The following ZNF773 variants were observed in gnomAD, a reference collection of about 807,000 sequenced individuals.
ZNF773 encodes the protein zinc finger protein 773.
A neutral mutation model predicts 12.8 loss-of-function variants in ZNF773; 11 were observed. The observed-to-expected ratio is 0.86, with a 90% CI of 0.54 to 1.42. The LOEUF (loss-of-function observed/expected upper bound fraction) is 1.42, where lower values mean the gene tolerates loss of function less well. Ranked by LOEUF, ZNF773 falls within the 40% of genes most tolerant of loss-of-function variation. ZNF773 has a pLI of 0.00. For synonymous variants in ZNF773, 175 were observed against 178.4 expected, an observed-to-expected ratio of 0.98 and a Z score of 0.15; for missense variants, 518 against 527.2, an observed-to-expected ratio of 0.98 and a Z score of 0.17.
At chr19:57,517,235 C>T (rs975190115), downstream of ZNF773, 1 of 152,196 alleles carries the variant, frequency 6.6e-6, no homozygotes, top group Non-Finnish European at 1.5e-5. Context: ...TGCCTGTCAA[C>T]TGTATCATTG....
downstream of ZNF773, chr19:57,513,223 C>T: frequency 2.6e-6 from 2 of 760,398 alleles, no homozygotes; most frequent in Non-Finnish European, 3.7e-6. Flanking sequence ...AATTTGTCTG[C>T]TGAAGAGCAA....
rs1422099489 is a variant in ZNF773, at chr19:57,506,466, C to T, written c.371C>T (p.Pro124Leu). The T allele has an allele frequency of 6.2e-7, 1 of 1,614,054 alleles. No homozygotes were observed. The highest frequency in any genetic ancestry group is 1.3e-5 in the African/African-American group (1 of 74,922). The change falls in exon 4 of 4, where the codon CCC becomes CTC. Residue 124 changes from proline to leucine, a missense_variant. Coordinates refer to ENST00000282292, the MANE Select transcript of ZNF773 (RefSeq NM_198542.3). ...QHQKQHCGEK[P>L]LKRQEGRVPV... Reference sequence around the variant, plus strand: ...CAGAAGCAGCACTGTGGAGAGAAACCCTTAAAAAGACAAGAGGGCAGGGTC... The same window carrying T: ...CAGAAGCAGCACTGTGGAGAGAAACTCTTAAAAAGACAAGAGGGCAGGGTC...
intron 1 of ZNF773, among the ~76,000 whole-genome samples, chr19:57,502,732 C>T (rs1179710409): frequency 6.6e-6 from 1 of 152,108 alleles, no homozygotes; most frequent in African/African-American, 2.4e-5. Flanking sequence ...CGCTCTGTCG[C>T]CCAGGCTGGA....
chr19:57,517,020 T>C (rs909237083), downstream of ZNF773: 50 of 152,246 alleles, frequency 3.3e-4, no homozygotes, highest in African/African-American at 1.2e-3. Context: ...CAGGAGTCAA[T>C]ATGGAAGACA....
intron 3 of ZNF773, among the ~76,000 whole-genome samples, chr19:57,505,922 A>G (rs2089726667): frequency 2.0e-5 from 3 of 151,932 alleles, no homozygotes; most frequent in Admixed American, 6.6e-5. Flanking sequence ...TGTTAGCCTG[A>G]ATGGTCTCGA....
At chr19:57,512,207 C>T (rs2360758), downstream of ZNF773, among the ~76,000 whole-genome samples, 24,022 of 151,822 alleles carry the variant, frequency 0.16, 2,099 homozygotes, top group Non-Finnish European at 0.2. Context: ...GAGACAATTT[C>T]CAAAAACCAG....
downstream of ZNF773, chr19:57,508,565 G>A (rs2123274495): frequency 1.4e-6 from 1 of 700,488 alleles, no homozygotes; most frequent in East Asian, 2.7e-5. Flanking sequence ...CAGATATTCT[G>A]TAAGTTGATC....
At position 57,507,749 on chromosome 19, in the gene ZNF773, CG is replaced by C; in HGVS notation, c.*327del. 3.7e-6 allele frequency: 4 copies of C among 1,082,342 alleles called. No individual in the cohort carries two copies. The South Asian group carries it at 1.1e-4, about 29-fold the overall frequency. 67.0% of individuals were successfully genotyped at this position (1,082,342 alleles called of 1,614,324 possible). A position where few individuals can be genotyped will look rare whatever the true frequency, so the allele number is the denominator to read the frequency against. ...CACCACTTTGGGAGGCTGAAGCGGG[CG>C]GATCACAAGGTCAGGACATCGAAAC... On this transcript the variant is annotated 3_prime_UTR_variant, in exon 4 of 4. Transcript: ENST00000282292.
At chr19:57,500,892 G>A (rs1282492767) in intron 1 of ZNF773, among the ~76,000 whole-genome samples, 1 of 152,144 alleles carries the variant, frequency 6.6e-6, no homozygotes, top group Non-Finnish European at 1.5e-5. Flanking sequence ...CTGAGGTGAG[G>A]GAAGGGAGAG....
At chr19:57,505,547 A>G in intron 3 of ZNF773, 147 bp downstream of exon 3, 1 of 964,454 alleles carries the variant, frequency 1.0e-6, no homozygotes, top group Non-Finnish European at 1.7e-6. Flanking sequence ...TCACCCATTT[A>G]TATCTATTCT....
Position 57,506,923 on chromosome 19 carries a change from A to T in ZNF773, c.828A>T (p.Thr276=), listed in dbSNP as rs1223011607. Residue 276 remains threonine, a synonymous_variant, in exon 4 of 4, where the codon ACA becomes ACT. Coordinates refer to ENST00000282292, the MANE Select transcript of ZNF773 (RefSeq NM_198542.3). Reference sequence around the variant, plus strand: ...TTCACACTGGAGAAAAGCCTTTTACATGCAGTGAATGTGGAAAAGCTTTCA... The same window carrying T: ...TTCACACTGGAGAAAAGCCTTTTACTTGCAGTGAATGTGGAAAAGCTTTCA... ...QRVHTGEKPF[T]CSECGKAFRH... is the part of the protein sequence containing the mutation. 2 of 1,613,598 alleles carry T rather than the reference A, an allele frequency of 1.2e-6. No individual in the cohort carries two copies. The highest frequency in any genetic ancestry group is 2.2e-5 in the East Asian group (1 of 44,792).
intron 1 of ZNF773, 67 bp downstream of exon 1, chr19:57,500,180 C>T (rs2089653133): frequency 1.3e-6 from 2 of 1,534,384 alleles, no homozygotes; most frequent in East Asian, 4.9e-5. Context: ...TGCTCAGGTC[C>T]CCGGGTGCAG....
intron 1 of ZNF773, among the ~76,000 whole-genome samples, chr19:57,503,907 C>T (rs2089697270): frequency 6.6e-6 from 1 of 152,088 alleles, no homozygotes; most frequent in South Asian, 2.1e-4. Flanking sequence ...ATCCACCTGC[C>T]TCCGCCTCCA....
downstream of ZNF773, among the ~76,000 whole-genome samples, chr19:57,510,670 C>T (rs2089787504): frequency 6.6e-6 from 1 of 151,856 alleles, no homozygotes; most frequent in South Asian, 2.1e-4. Context: ...CCAGTGTATA[C>T]AAAGTATATA....
downstream of ZNF773, among the ~76,000 whole-genome samples, chr19:57,510,625 A>G (rs1236118806): frequency 6.6e-6 from 1 of 152,276 alleles, no homozygotes; most frequent in South Asian, 2.1e-4. Context: ...ACTAGATCTA[A>G]TAATTGAGTT....
Position 57,508,183 on chromosome 19 carries a change from G to A in ZNF773, c.*759G>A. The A allele has an allele frequency of 8.7e-6, 9 of 1,038,696 alleles. No individual in the cohort carries two copies. The highest frequency in any genetic ancestry group is 1.0e-5 in the Non-Finnish European group (9 of 865,236). The allele number at this position is 1,038,696 out of a possible 1,614,324, so 64.3% of individuals were successfully genotyped here. On this transcript the variant is annotated 3_prime_UTR_variant, in exon 4 of 4. Transcript: ENST00000282292. ...ACAAAAAAAACCCAGAAACTCTGAG[G>A]GTGATCTTTATGAGGGAGCTGGCAA...
chr19:57,517,646 A>T (rs1214650336), downstream of ZNF773: 1 of 152,242 alleles, frequency 6.6e-6, no homozygotes, highest in African/African-American at 2.4e-5. Context: ...ACAAAGCCTG[A>T]AGTTGCAGCA....
At chr19:57,502,937 C>T (rs563226162) in intron 1 of ZNF773, among the ~76,000 whole-genome samples, 37 of 152,262 alleles carry the variant, frequency 2.4e-4, no homozygotes, top group African/African-American at 1.7e-4. Context: ...ATGATCCGCC[C>T]GCTTTGGCCT....
At chr19:57,502,768 T>A (rs2089684454) in intron 1 of ZNF773, among the ~76,000 whole-genome samples, 1 of 152,186 alleles carries the variant, frequency 6.6e-6, no homozygotes, top group Non-Finnish European at 1.5e-5. Context: ...CTCGGCTCAC[T>A]GCAAGCTCCG....
Sources: gnomAD v4.1 joint callset for allele counts (sites outside exome capture counted in the v4.1 genomes callset) on GRCh38, gnomAD v4.1.1 for gene constraint, MANE v1.5 for transcripts, NCBI Gene and HGNC (gene_info 2026-07-23, HGNC 2026-07-21) for gene names.